PARP9: variants seen among roughly 807,000 people sequenced by gnomAD.
PARP9 encodes the protein protein mono-ADP-ribosyltransferase PARP9.
PARP9 carries 48 observed loss-of-function variants against 68.8 expected under a neutral mutation model. That is an observed-to-expected ratio of 0.70 (90% CI 0.55 to 0.89). The LOEUF (loss-of-function observed/expected upper bound fraction) is 0.89, where lower values mean the gene tolerates loss of function less well. Among genes scored for constraint, PARP9 ranks in the 40% least tolerant of loss-of-function variants. The pLI, the probability that PARP9 is intolerant of heterozygous loss-of-function variation, is 0.00. For synonymous variants in PARP9, 309 were observed against 333.8 expected, an observed-to-expected ratio of 0.93 and a Z score of 0.81; for missense variants, 806 against 969.3, an observed-to-expected ratio of 0.83 and a Z score of 2.24.
At position 122,559,636 on chromosome 3, in the gene PARP9, G is replaced by A; in HGVS notation, c.-16C>T. The A allele has an allele frequency of 4.4e-6, 7 of 1,587,846 alleles. No homozygotes were observed. The highest frequency in any genetic ancestry group is 6.0e-6 in the Non-Finnish European group (7 of 1,167,266). ...AAAAGTCCATCCTCCAGGTCCCCGGGGGAGTCTTTAAATGTTTATTCCCTT... is the reference window on the plus strand; with the variant it reads ...AAAAGTCCATCCTCCAGGTCCCCGGAGGAGTCTTTAAATGTTTATTCCCTT... On this transcript the variant is annotated 5_prime_UTR_variant, in exon 2 of 11. Coordinates refer to ENST00000682323, the MANE Select transcript of PARP9 (RefSeq NM_001146105.2).
In PARP9 at chr3:122,563,253, C is replaced by T. The variant is rs573377332; in HGVS notation, c.-90+992G>A. Among the ~76,000 whole-genome samples, 4 of 152,238 alleles carry T rather than the reference C, an allele frequency of 2.6e-5. No individual in the cohort carries two copies. In the East Asian group the frequency reaches 5.8e-4, roughly 22 times the overall value. Reference sequence around the variant, plus strand: ...TTTTCACCATCTAAATATGTCCTGTCCAGGGTGGACTATCAGCCTCACATA... The same window carrying T: ...TTTTCACCATCTAAATATGTCCTGTTCAGGGTGGACTATCAGCCTCACATA... On this transcript the variant is annotated intron_variant, in intron 1 of 10. Transcript: ENST00000682323.
chr3:122,539,366 T>C (rs1280794421), intron 8 of PARP9, among the ~76,000 whole-genome samples: 2 of 152,158 alleles, frequency 1.3e-5, no homozygotes, highest in Non-Finnish European at 2.9e-5. Flanking sequence ...GGTCCCCCAT[T>C]AGACTTTGAG....
chr3:122,540,813 A>G lies in PARP9; in HGVS notation c.1424T>C (p.Leu475Pro). The G allele has an allele frequency of 6.2e-7, 1 of 1,613,994 alleles. No individual in the cohort carries two copies. The highest frequency in any genetic ancestry group is 8.5e-7 in the Non-Finnish European group (1 of 1,179,990). The change falls in exon 8 of 11, where the codon CTT becomes CCT. Residue 475 changes from leucine to proline, a missense_variant. Leu to Pro is a moderately conservative substitution (Grantham distance 98). Transcript: ENST00000682323. ...ATTGATGGCAGGAGATCTAGCTTCA[A>G]GCCCATTTTCTCTTTTCTCCTCTCT... is the stretch of plus-strand genomic sequence containing the variant. ...STREEKRENGLEARSPAINLM... is the reference protein window; with the variant it reads ...STREEKRENGPEARSPAINLM...
chr3:122,536,402 T>G lies in PARP9; in HGVS notation c.1906-60A>C, dbSNP rs893505006. 16 of 1,560,598 alleles carry G rather than the reference T, an allele frequency of 1.0e-5. No homozygotes were observed. The African/African-American group carries it at 1.4e-4, about 13-fold the overall frequency. The stretch of plus-strand genomic sequence containing the variant: ...CTAGAGAACCGCTCTTTAAATTGCC[T>G]GCTATACTGCTTCAAAAATAAAGGA... On this transcript the variant is annotated intron_variant, in intron 9 of 10. Coordinates refer to ENST00000682323, the MANE Select transcript of PARP9 (RefSeq NM_001146105.2).
At chr3:122,552,372 G>T in intron 5 of PARP9, 46 bp downstream of exon 5, 1 of 1,374,856 alleles carries the variant, frequency 7.3e-7, no homozygotes, top group South Asian at 1.2e-5. Context: ...AAAAAAGACT[G>T]TATAGACTAT....
At chr3:122,547,645 G>A (rs1481862521) in intron 6 of PARP9, among the ~76,000 whole-genome samples, 1 of 151,976 alleles carries the variant, frequency 6.6e-6, no homozygotes, top group Admixed American at 6.6e-5. Context: ...TTGAGTCCAG[G>A]AGTTTGAGAT....
At chr3:122,562,208 T>TTTTC (rs1393338041) in intron 1 of PARP9, among the ~76,000 whole-genome samples, 3 of 129,844 alleles carry the variant, frequency 2.3e-5, no homozygotes, top group African/African-American at 9.7e-5. Flanking sequence ...CTTTTCTTTT[T>TTTTC]GAGACGGAGT....
At chr3:122,558,132 G>A (rs572507062) in intron 3 of PARP9, among the ~76,000 whole-genome samples, 2 of 152,358 alleles carry the variant, frequency 1.3e-5, no homozygotes, top group South Asian at 4.1e-4. Context: ...AGCTTGTATA[G>A]TACTCGTTGA....
At chr3:122,563,274 A>T (rs550960104) in intron 1 of PARP9, among the ~76,000 whole-genome samples, 2 of 152,318 alleles carry the variant, frequency 1.3e-5, no homozygotes, top group South Asian at 4.1e-4. Context: ...TATCAGCCTC[A>T]CATAGCTACT....
intron 6 of PARP9, among the ~76,000 whole-genome samples, chr3:122,548,973 C>T (rs909439426): frequency 3.9e-5 from 6 of 152,026 alleles, no homozygotes; most frequent in Non-Finnish European, 8.8e-5. Context: ...TAACCTTCTA[C>T]TCTGTGCTAG....
chr3:122,550,199 C>A (rs2079087039), intron 6 of PARP9, among the ~76,000 whole-genome samples: 1 of 152,274 alleles, frequency 6.6e-6, no homozygotes, highest in East Asian at 1.9e-4. Context: ...CTTGCCTCAG[C>A]CTCCCTAGTA....
chr3:122,561,465 A>G (rs576315496), intron 1 of PARP9, among the ~76,000 whole-genome samples: 1 of 152,204 alleles, frequency 6.6e-6, no homozygotes, highest in Non-Finnish European at 1.5e-5. Flanking sequence ...CTCAAAAAAA[A>G]GAAGAGAAAC....
intron 10 of PARP9, chr3:122,535,392 C>T (rs1047805926): frequency 2.0e-6 from 2 of 985,276 alleles, no homozygotes; most frequent in African/African-American, 1.7e-5. Context: ...TTGGAATTGA[C>T]TCCTCAGCAA....
intron 10 of PARP9, chr3:122,535,062 T>C (rs2077546752): frequency 4.1e-6 from 4 of 982,732 alleles, no homozygotes; most frequent in Non-Finnish European, 4.8e-6. Flanking sequence ...AAGAGAATAC[T>C]CACTAGATTT....
At chr3:122,564,402 C>T (rs770647922), upstream of PARP9, 1 of 1,594,276 alleles carries the variant, frequency 6.3e-7, no homozygotes, top group Non-Finnish European at 8.5e-7. Context: ...CCCGGAGCCC[C>T]CGCGCCCTCC....
At chr3:122,532,658 A>T (rs2077388277) in intron 10 of PARP9, 4 of 155,032 alleles carry the variant, frequency 2.6e-5, no homozygotes, top group Admixed American at 2.0e-4. Flanking sequence ...TAGATGTCAT[A>T]ACAAAGGAAT....
At chr3:122,536,672 A>G (rs377623532) in intron 9 of PARP9, 2 of 539,642 alleles carry the variant, frequency 3.7e-6, no homozygotes. Context: ...ATGCTATTCC[A>G]CTTCTTTTAT....
intron 3 of PARP9, 175 bp downstream of exon 3, chr3:122,558,259 C>T: frequency 6.6e-7 from 1 of 1,519,890 alleles, no homozygotes; most frequent in Non-Finnish European, 9.0e-7. Context: ...AGAGAATATG[C>T]CTGCTGGTCG....
intron 6 of PARP9, 101 bp downstream of exon 6, chr3:122,550,483 C>G: frequency 1.0e-6 from 1 of 961,934 alleles, no homozygotes; most frequent in Non-Finnish European, 1.6e-6. Flanking sequence ...CAGCACCTAG[C>G]CCTGCATCCC....
Sources: allele counts gnomAD v4.1 joint callset (sites outside exome capture counted in the v4.1 genomes callset), GRCh38; gene constraint gnomAD v4.1.1; transcripts MANE v1.5; gene names NCBI Gene and HGNC (gene_info 2026-07-23, HGNC 2026-07-21).